Variants in DSCAM observed in about 807,000 individuals in gnomAD.
DSCAM encodes DS cell adhesion molecule, also known as cell adhesion molecule DSCAM.
In DSCAM, 47 loss-of-function variants were observed where a neutral mutation model predicts 217.7. The ratio of observed to expected loss-of-function variants is 0.22; its 90% CI spans 0.17 to 0.28. DSCAM has a LOEUF of 0.28. Ranked by LOEUF, DSCAM falls within the 10% of genes least tolerant of loss-of-function variation. The pLI is 1.00. For synonymous variants in DSCAM, 1,056 were observed against 1,015.3 expected (o/e 1.04, Z -0.76); for missense variants, 2,080 against 2,618.3 (o/e 0.79, Z 4.49).
At chr21:40,725,204 T>C (rs1021252198) in intron 1 of DSCAM, among the ~76,000 whole-genome samples, 1 of 152,182 alleles carries the variant, frequency 6.6e-6, no homozygotes, top group Non-Finnish European at 1.5e-5. Context: ...CAGCATCTCA[T>C]CTCTCTTCCC....
chr21:40,042,752 G>A, intron 31 of DSCAM, 79 bp from the exon 32 acceptor site: 1 of 1,397,692 alleles, frequency 7.2e-7, no homozygotes, highest in Non-Finnish European at 9.6e-7. Flanking sequence ...TTCCTGGCTT[G>A]GGGCTGTTTT....
At chr21:40,364,915 T>C (rs1343366412) in intron 4 of DSCAM, among the ~76,000 whole-genome samples, 1 of 150,100 alleles carries the variant, frequency 6.7e-6, no homozygotes, top group Non-Finnish European at 1.5e-5. Flanking sequence ...ATTTCAAGAA[T>C]TTCTATAAAT....
intron 3 of DSCAM, among the ~76,000 whole-genome samples, chr21:40,505,030 C>T (rs1216765444): frequency 6.6e-6 from 1 of 152,158 alleles, no homozygotes; most frequent in Non-Finnish European, 1.5e-5. Flanking sequence ...ACTGAGGCCA[C>T]CACCAGGTGG....
At chr21:40,469,149 T>C (rs1474911465) in intron 3 of DSCAM, among the ~76,000 whole-genome samples, 4 of 152,200 alleles carry the variant, frequency 2.6e-5, no homozygotes, top group African/African-American at 7.2e-5. Context: ...ACCCCTACCC[T>C]GGCAGCTAAA....
At chr21:40,221,447 A>T (rs1235764462) in intron 11 of DSCAM, among the ~76,000 whole-genome samples, 2 of 148,658 alleles carry the variant, frequency 1.3e-5, no homozygotes, top group African/African-American at 4.9e-5. Context: ...TATATAAATA[A>T]CATAAAATAT....
In DSCAM at chr21:40,436,685, C is replaced by A. The variant is rs577839422; in HGVS notation, c.509-67440G>T. ...GAACAGCTACAAAGCTTGAAGGACT[C>A]GCCAAGTGAAACTAGGCCGCCCTCG... On this transcript the variant is annotated intron_variant, in intron 3 of 32. Coordinates refer to ENST00000400454, the MANE Select transcript of DSCAM (RefSeq NM_001389.5). 3.3e-5 allele frequency among the ~76,000 whole-genome samples: 5 copies of A among 152,192 alleles called. No individual in the cohort carries two copies. In the East Asian group the frequency reaches 9.7e-4, roughly 29 times the overall value.
intron 11 of DSCAM, among the ~76,000 whole-genome samples, chr21:40,256,629 CT>C (rs2073376132): frequency 6.6e-6 from 1 of 152,148 alleles, no homozygotes; most frequent in South Asian, 2.1e-4. Flanking sequence ...GGACTTCAGT[CT>C]GTTTTTCTAA....
At chr21:40,726,289 GAA>G (rs781264288) in intron 1 of DSCAM, among the ~76,000 whole-genome samples, 3 of 152,154 alleles carry the variant, frequency 2.0e-5, no homozygotes, top group Non-Finnish European at 4.4e-5. Context: ...AGCTGTAATA[GAA>G]AAAGTGTTCA....
At chr21:40,647,730 T>C (rs2089964581) in intron 3 of DSCAM, among the ~76,000 whole-genome samples, 1 of 152,238 alleles carries the variant, frequency 6.6e-6, no homozygotes, top group Admixed American at 6.5e-5. Context: ...CATCAGATAA[T>C]AGTAGCTAAT....
At chr21:40,089,757 T>C (rs2089581153) in intron 21 of DSCAM, among the ~76,000 whole-genome samples, 1 of 152,114 alleles carries the variant, frequency 6.6e-6, no homozygotes. Flanking sequence ...GCTGCCCAAC[T>C]GACTGTCTGC....
chr21:40,768,494 C>T (rs916749522), intron 1 of DSCAM, among the ~76,000 whole-genome samples: 4 of 152,242 alleles, frequency 2.6e-5, no homozygotes, highest in Non-Finnish European at 5.9e-5. Flanking sequence ...TCTTCTCTAT[C>T]CCTCCCAGTA....
intron 1 of DSCAM, among the ~76,000 whole-genome samples, chr21:40,781,441 CT>C (rs1283389981): frequency 6.6e-6 from 1 of 152,214 alleles, no homozygotes; most frequent in African/African-American, 2.4e-5. Flanking sequence ...ACAATTGACT[CT>C]CTGAACAATG....
intron 11 of DSCAM, among the ~76,000 whole-genome samples, chr21:40,233,901 A>G (rs1425393141): frequency 6.6e-6 from 1 of 152,148 alleles, no homozygotes; most frequent in Non-Finnish European, 1.5e-5. Context: ...CTGTATCAAC[A>G]TCTGACAGCC....
chr21:40,158,098 G>T (rs564669251), intron 16 of DSCAM, among the ~76,000 whole-genome samples: 2 of 152,286 alleles, frequency 1.3e-5, no homozygotes, highest in South Asian at 2.1e-4. Flanking sequence ...TGAAAAAGTT[G>T]TCTGGGCAAG....
At chr21:40,640,603 A>G (rs1418399549) in intron 3 of DSCAM, among the ~76,000 whole-genome samples, 1 of 152,158 alleles carries the variant, frequency 6.6e-6, no homozygotes, top group Non-Finnish European at 1.5e-5. Context: ...TGTATAAGTG[A>G]GAGATGGGGA....
intron 30 of DSCAM, among the ~76,000 whole-genome samples, 171 bp from the exon 31 acceptor site, chr21:40,044,446 T>C (rs921294228): frequency 1.5e-4 from 23 of 152,206 alleles, no homozygotes; most frequent in Admixed American, 1.5e-3. Context: ...CTTTATGGCT[T>C]GAAACCTTCA....
chr21:40,635,188 C>T (rs1014195501), intron 3 of DSCAM, among the ~76,000 whole-genome samples: 1 of 151,966 alleles, frequency 6.6e-6, no homozygotes, highest in Non-Finnish European at 1.5e-5. Context: ...GAAGGGAAAT[C>T]CCATCGACAG....
intron 3 of DSCAM, among the ~76,000 whole-genome samples, chr21:40,604,175 T>C (rs1389112623): frequency 1.3e-5 from 2 of 152,122 alleles, no homozygotes; most frequent in African/African-American, 4.8e-5. Flanking sequence ...TCCTGACGTA[T>C]CTTCAAGCTC....
At chr21:40,445,286 A>T (rs1337523256) in intron 3 of DSCAM, among the ~76,000 whole-genome samples, 2 of 152,192 alleles carry the variant, frequency 1.3e-5, no homozygotes, top group African/African-American at 2.4e-5. Flanking sequence ...AGCACCTCAG[A>T]AGCTTTAATT....
Sources: gnomAD v4.1 joint callset for allele counts (sites outside exome capture counted in the v4.1 genomes callset) on GRCh38, gnomAD v4.1.1 for gene constraint, MANE v1.5 for transcripts, NCBI Gene and HGNC (gene_info 2026-07-23, HGNC 2026-07-21) for gene names.